The following LRRTM4 variants were observed in gnomAD, a reference collection of about 807,000 sequenced individuals.
LRRTM4 encodes the protein leucine-rich repeat transmembrane neuronal protein 4.
Under a neutral mutation model 47.6 loss-of-function variants are expected in LRRTM4, and 25 were observed. The observed-to-expected ratio is 0.53, with a 90% CI of 0.38 to 0.73. The LOEUF (loss-of-function observed/expected upper bound fraction) is 0.73, where lower values mean the gene tolerates loss of function less well. Among genes scored for constraint, LRRTM4 ranks in the 30% least tolerant of loss-of-function variants. LRRTM4 has a pLI of 0.00. For missense variants in LRRTM4, 638 were observed against 713.4 expected (o/e 0.89, Z 1.20); for synonymous variants, 311 against 269.5 (o/e 1.15, Z -1.51).
Position 77,522,188 on chromosome 2 carries a change from G to C in LRRTM4, c.-227C>G. On this transcript the variant is annotated 5_prime_UTR_variant, in exon 1 of 4. Coordinates refer to ENST00000409884, the MANE Select transcript of LRRTM4 (RefSeq NM_001134745.3). ...TCTGGATTTTCAGTTCTTGAAGCAAGTAGGCCTCCTGTGCTGTATGAGACC... is the reference window on the plus strand; with the variant it reads ...TCTGGATTTTCAGTTCTTGAAGCAACTAGGCCTCCTGTGCTGTATGAGACC... 4.2e-6 allele frequency: 3 copies of C among 712,640 alleles called. No homozygotes were observed. The highest frequency in any genetic ancestry group is 5.2e-6 in the Non-Finnish European group (2 of 382,362). The allele number at this position is 712,640 out of a possible 1,614,324, so 44.1% of individuals were successfully genotyped here.
chr2:77,089,392 CCT>C lies in LRRTM4; in HGVS notation c.1552-340478_1552-340477del, dbSNP rs1322380289. The stretch of plus-strand genomic sequence containing the variant: ...CCAATCCCTTATTTCCACGCCCCAA[CCT>C]CTTATATCTCTGTGCCCCAATCCCT... On this transcript the variant is annotated intron_variant, in intron 3 of 3. Coordinates refer to ENST00000409884, the MANE Select transcript of LRRTM4 (RefSeq NM_001134745.3). Among the ~76,000 whole-genome samples the C allele has an allele frequency of 4.6e-5, 7 of 151,898 alleles. No homozygotes were observed. The South Asian group carries it at 8.3e-4, about 18-fold the overall frequency.
chr2:77,244,940 G>A (rs13393954), intron 3 of LRRTM4, among the ~76,000 whole-genome samples: 63,581 of 151,858 alleles, frequency 0.42, 15,534 homozygotes, highest in Non-Finnish European at 0.53. Flanking sequence ...GCCTTGATAC[G>A]ATGCCCTAGT....
chr2:77,364,014 C>A (rs911617417), intron 3 of LRRTM4, among the ~76,000 whole-genome samples: 2 of 151,906 alleles, frequency 1.3e-5, no homozygotes, highest in Non-Finnish European at 2.9e-5. Flanking sequence ...GATAAATGAG[C>A]TGCATGTGTT....
intron 3 of LRRTM4, among the ~76,000 whole-genome samples, chr2:77,426,115 CAA>C (rs149112731): frequency 4.2e-4 from 50 of 119,302 alleles, no homozygotes; most frequent in Admixed American, 3.6e-4. Flanking sequence ...GAGACACCGT[CAA>C]AAAAAAAAAA....
chr2:76,900,614 T>G (rs960927414), intron 3 of LRRTM4, among the ~76,000 whole-genome samples: 2 of 152,264 alleles, frequency 1.3e-5, no homozygotes, highest in African/African-American at 4.8e-5. Context: ...ATAATTCAAT[T>G]GAAACATGAA....
chr2:76,999,293 T>A (rs141100371), intron 3 of LRRTM4, among the ~76,000 whole-genome samples: 135 of 152,166 alleles, frequency 8.9e-4, no homozygotes, highest in African/African-American at 3.1e-3. Flanking sequence ...AATTCTCAAG[T>A]GAACAGTTTC....
At chr2:76,864,253 A>G (rs1672401038) in intron 3 of LRRTM4, among the ~76,000 whole-genome samples, 1 of 152,212 alleles carries the variant, frequency 6.6e-6, no homozygotes, top group South Asian at 2.1e-4. Context: ...TTTCCTCCCA[A>G]TATGAAACCA....
chr2:76,998,927 A>T (rs913397709), intron 3 of LRRTM4, among the ~76,000 whole-genome samples: 3 of 152,096 alleles, frequency 2.0e-5, no homozygotes, highest in Non-Finnish European at 4.4e-5. Flanking sequence ...ATCATAAAGA[A>T]TATTACTCAA....
At chr2:77,465,726 G>T (rs987520209) in intron 3 of LRRTM4, among the ~76,000 whole-genome samples, 1 of 152,046 alleles carries the variant, frequency 6.6e-6, no homozygotes, top group African/African-American at 2.4e-5. Context: ...TCTGCCAAAG[G>T]TTTTACCTAT....
At chr2:77,203,307 C>A (rs921577522) in intron 3 of LRRTM4, among the ~76,000 whole-genome samples, 4 of 151,952 alleles carry the variant, frequency 2.6e-5, no homozygotes, top group Non-Finnish European at 5.9e-5. Context: ...TCCAAACAAA[C>A]CCTAAGTTAT....
intron 3 of LRRTM4, among the ~76,000 whole-genome samples, chr2:76,821,360 T>A (rs974483208): frequency 2.0e-5 from 3 of 151,682 alleles, no homozygotes; most frequent in African/African-American, 7.3e-5. Flanking sequence ...GGAATTAAAA[T>A]AGAAGAAAGA....
chr2:76,835,141 G>A (rs1671472951), intron 3 of LRRTM4, among the ~76,000 whole-genome samples: 1 of 151,934 alleles, frequency 6.6e-6, no homozygotes, highest in African/African-American at 2.4e-5. Context: ...GATGTGTATT[G>A]GGCAAGTCAC....
intron 3 of LRRTM4, among the ~76,000 whole-genome samples, chr2:76,900,531 A>T (rs544706167): frequency 2.2e-4 from 33 of 152,262 alleles, no homozygotes; most frequent in African/African-American, 7.9e-4. Flanking sequence ...CAAAGCATAA[A>T]ATAGTTCCTG....
At chr2:77,462,028 G>T (rs1676808385) in intron 3 of LRRTM4, among the ~76,000 whole-genome samples, 1 of 152,104 alleles carries the variant, frequency 6.6e-6, no homozygotes, top group Non-Finnish European at 1.5e-5. Context: ...AACAACTGAA[G>T]AGTCTTTTTT....
At chr2:77,437,989 A>G (rs1229061204) in intron 3 of LRRTM4, among the ~76,000 whole-genome samples, 1 of 152,184 alleles carries the variant, frequency 6.6e-6, no homozygotes, top group East Asian at 1.9e-4. Context: ...TAAACTTGTA[A>G]CGGGTATCAC....
At chr2:76,813,418 TAAA>T (rs1670803983) in intron 3 of LRRTM4, among the ~76,000 whole-genome samples, 1 of 152,132 alleles carries the variant, frequency 6.6e-6, no homozygotes, top group Non-Finnish European at 1.5e-5. Context: ...CAGAGAAATA[TAAA>T]AGCCCAAGTC....
intron 3 of LRRTM4, among the ~76,000 whole-genome samples, chr2:77,209,187 C>T (rs567104751): frequency 4.6e-5 from 7 of 152,090 alleles, no homozygotes; most frequent in Non-Finnish European, 8.8e-5. Context: ...TTATACCTTG[C>T]TTTTCATTTT....
intron 3 of LRRTM4, among the ~76,000 whole-genome samples, chr2:77,291,047 G>A (rs1014941718): frequency 1.3e-5 from 2 of 151,974 alleles, no homozygotes; most frequent in Non-Finnish European, 2.9e-5. Flanking sequence ...TATTGAATAA[G>A]GTAAGAGTGG....
intron 3 of LRRTM4, among the ~76,000 whole-genome samples, chr2:76,778,467 C>T (rs1015613666): frequency 6.8e-6 from 1 of 148,056 alleles, no homozygotes; most frequent in Non-Finnish European, 1.5e-5. Context: ...AGAGATTCAA[C>T]TTCTTCCTGG....
Sources: allele counts gnomAD v4.1 joint callset (sites outside exome capture counted in the v4.1 genomes callset), GRCh38; gene constraint gnomAD v4.1.1; transcripts MANE v1.5; gene names NCBI Gene and HGNC (gene_info 2026-07-23, HGNC 2026-07-21).